The following TRAPPC9 variants were observed in gnomAD, a reference collection of about 807,000 sequenced individuals.
TRAPPC9 encodes IKK2 binding protein.
TRAPPC9 carries 83 observed loss-of-function variants against 124.0 expected under a neutral mutation model. The ratio of observed to expected loss-of-function variants is 0.67; its 90% CI spans 0.56 to 0.80. The LOEUF is 0.80. Among genes scored for constraint, TRAPPC9 ranks in the 30% least tolerant of loss-of-function variants. The pLI is 0.00. For missense variants in TRAPPC9, 1,302 were observed against 1,508.3 expected (o/e 0.86, Z 2.27); for synonymous variants, 638 against 617.5 (o/e 1.03, Z -0.49).
At chr8:140,006,808 G>C (rs143280043) in intron 18 of TRAPPC9, among the ~76,000 whole-genome samples, 120 of 152,266 alleles carry the variant, frequency 7.9e-4, no homozygotes, top group African/African-American at 2.8e-3. Flanking sequence ...TAGATTAGTG[G>C]TTGCCTAGGG....
At chr8:140,365,525 A>C (rs985852359) in intron 8 of TRAPPC9, among the ~76,000 whole-genome samples, 2 of 152,222 alleles carry the variant, frequency 1.3e-5, no homozygotes, top group African/African-American at 4.8e-5. Flanking sequence ...CAGGCTTAGC[A>C]AGGCATGCCC....
At chr8:140,077,598 T>G (rs4736134) in intron 17 of TRAPPC9, among the ~76,000 whole-genome samples, 2 of 151,436 alleles carry the variant, frequency 1.3e-5, no homozygotes, top group South Asian at 2.1e-4. Flanking sequence ...AGATGCTTGC[T>G]GGGGGGACTC....
chr8:140,012,105 C>T lies in TRAPPC9; in HGVS notation c.2699+11832G>A, dbSNP rs562529309. ...GACTGCAGGCGTGAGCCACCGCGCC[C>T]GGCCAGGCATACATTTTGTATAACA... On this transcript the variant is annotated intron_variant, in intron 18 of 22. Coordinates refer to ENST00000438773, the MANE Select transcript of TRAPPC9 (RefSeq NM_001160372.4). Among the ~76,000 whole-genome samples, 6 of 152,288 alleles carry T rather than the reference C, an allele frequency of 3.9e-5. No homozygotes were observed. The East Asian group carries it at 5.8e-4, about 15-fold the overall frequency.
At chr8:140,075,093 C>T (rs1163508431) in intron 17 of TRAPPC9, among the ~76,000 whole-genome samples, 1 of 152,026 alleles carries the variant, frequency 6.6e-6, no homozygotes, top group African/African-American at 2.4e-5. Flanking sequence ...CAATGTGTGC[C>T]CATCAAGAAG....
intron 19 of TRAPPC9, chr8:139,932,443 T>C (rs549768109): frequency 6.6e-6 from 3 of 457,818 alleles, no homozygotes; most frequent in Non-Finnish European, 1.3e-5. Context: ...TACAAGATGT[T>C]GGCTGACCTG....
At chr8:140,361,349 T>C (rs1010438393) in intron 8 of TRAPPC9, among the ~76,000 whole-genome samples, 1 of 152,074 alleles carries the variant, frequency 6.6e-6, no homozygotes, top group African/African-American at 2.4e-5. Context: ...CAAACAGTAA[T>C]AGTGAGGGCT....
At chr8:139,930,856 C>T (rs937844970) in intron 19 of TRAPPC9, among the ~76,000 whole-genome samples, 1 of 152,112 alleles carries the variant, frequency 6.6e-6, no homozygotes, top group Non-Finnish European at 1.5e-5. Flanking sequence ...GATGAAATCA[C>T]GACGACAGCA....
chr8:140,418,323 G>C (rs534314339), intron 5 of TRAPPC9, among the ~76,000 whole-genome samples: 10 of 152,282 alleles, frequency 6.6e-5, no homozygotes, highest in African/African-American at 2.2e-4. Context: ...GAAAACATAA[G>C]AGGAAGGAAC....
At chr8:139,874,378 C>T (rs1423331322) in intron 21 of TRAPPC9, among the ~76,000 whole-genome samples, 2 of 152,216 alleles carry the variant, frequency 1.3e-5, no homozygotes, top group African/African-American at 4.8e-5. Context: ...GAGGATGCTG[C>T]TGCATTCTCA....
chr8:139,937,858 C>T (rs1463367558), intron 19 of TRAPPC9, among the ~76,000 whole-genome samples: 1 of 152,136 alleles, frequency 6.6e-6, no homozygotes, highest in Non-Finnish European at 1.5e-5. Flanking sequence ...TGAGCAGCTG[C>T]CACCAGGGCT....
At chr8:140,270,333 G>A (rs1439394051) in intron 15 of TRAPPC9, among the ~76,000 whole-genome samples, 1 of 152,176 alleles carries the variant, frequency 6.6e-6, no homozygotes, top group Non-Finnish European at 1.5e-5. Flanking sequence ...GTTCCCACAC[G>A]CTTGTCTACG....
chr8:140,195,514 C>T (rs573084605), intron 17 of TRAPPC9, among the ~76,000 whole-genome samples: 1 of 151,830 alleles, frequency 6.6e-6, no homozygotes, highest in Non-Finnish European at 1.5e-5. Context: ...GACACTAAAA[C>T]ACACTCAATG....
intron 21 of TRAPPC9, among the ~76,000 whole-genome samples, chr8:139,775,459 C>A (rs563250899): frequency 2.6e-3 from 393 of 152,346 alleles, no homozygotes; most frequent in African/African-American, 8.9e-3. Context: ...TTGGCCTGGG[C>A]TGGGCCCAGA....
chr8:139,965,525 A>G (rs1835643735), intron 19 of TRAPPC9, among the ~76,000 whole-genome samples: 1 of 152,218 alleles, frequency 6.6e-6, no homozygotes, highest in South Asian at 2.1e-4. Flanking sequence ...AAAATGATGC[A>G]TTCATGAATT....
intron 2 of TRAPPC9, among the ~76,000 whole-genome samples, chr8:140,440,564 C>A (rs1237458083): frequency 6.6e-6 from 1 of 152,020 alleles, no homozygotes; most frequent in East Asian, 1.9e-4. Context: ...ACAGCAGTCA[C>A]CTCAGCAGCC....
chr8:140,371,188 A>G lies in TRAPPC9; in HGVS notation c.1135-8T>C. 6.2e-7 allele frequency: 1 copy of G among 1,604,520 alleles called. No individual in the cohort carries two copies. The highest frequency in any genetic ancestry group is 1.1e-5 in the South Asian group (1 of 90,050). On this transcript the variant is annotated splice_region_variant and splice_polypyrimidine_tract_variant and intron_variant, in intron 7 of 22. Transcript: ENST00000438773. The stretch of plus-strand genomic sequence containing the variant: ...TTTCTCTTCCTCAGAAAGCTGAAGC[A>G]CAGAGAGAAAGTAAAAAGCTTTTGA...
At chr8:139,762,511 C>T (rs767456523) in intron 21 of TRAPPC9, among the ~76,000 whole-genome samples, 4 of 152,088 alleles carry the variant, frequency 2.6e-5, no homozygotes, top group Admixed American at 6.5e-5. Flanking sequence ...ACCTGTACAG[C>T]GTGTGACTGT....
At chr8:140,074,006 C>T (rs1843348964) in intron 17 of TRAPPC9, among the ~76,000 whole-genome samples, 1 of 152,156 alleles carries the variant, frequency 6.6e-6, no homozygotes, top group South Asian at 2.1e-4. Context: ...GAAAATGAGA[C>T]GTGGAGAACC....
At chr8:140,335,292 A>C (rs1007549987) in intron 9 of TRAPPC9, among the ~76,000 whole-genome samples, 1 of 152,138 alleles carries the variant, frequency 6.6e-6, no homozygotes, top group Non-Finnish European at 1.5e-5. Flanking sequence ...CACTATTCCA[A>C]GTATAGGTGT....
Sources: allele counts gnomAD v4.1 joint callset (sites outside exome capture counted in the v4.1 genomes callset), GRCh38; gene constraint gnomAD v4.1.1; transcripts MANE v1.5; gene names NCBI Gene and HGNC (gene_info 2026-07-23, HGNC 2026-07-21).